Variants in TENM2 observed in about 807,000 individuals in gnomAD.
TENM2 encodes teneurin-2.
TENM2 carries 52 observed loss-of-function variants against 245.2 expected under a neutral mutation model. That is an observed-to-expected ratio of 0.21 (90% CI 0.17 to 0.27). The LOEUF (loss-of-function observed/expected upper bound fraction) is 0.27. Ranked by LOEUF, TENM2 falls within the 10% of genes least tolerant of loss-of-function variation. The pLI, the probability that TENM2 is intolerant of heterozygous loss-of-function variation, is 1.00. For missense variants in TENM2, 3,046 were observed against 3,666.8 expected, an observed-to-expected ratio of 0.83 and a Z score of 4.37; for synonymous variants, 1,363 against 1,438.9, an observed-to-expected ratio of 0.95 and a Z score of 1.19.
chr5:167,185,818 G>A, the TENM2 span, among the ~76,000 whole-genome samples: 10 of 152,008 alleles, frequency 6.6e-5, no homozygotes, highest in South Asian at 1.2e-3. Context: ...GTGTCTTTGC[G>A]GGGACAGGAG....
intron 2 of TENM2, among the ~76,000 whole-genome samples, chr5:167,609,488 C>CAAAAAAAAAAAAA (rs5873049): frequency 7.9e-4 from 29 of 36,688 alleles, no homozygotes; most frequent in East Asian, 2.4e-3. Context: ...CCTGATGATG[C>CAAAAAAAAAAAAA]AAAAAAAAAA....
chr5:168,050,956 A>G (rs1043318795), intron 6 of TENM2, among the ~76,000 whole-genome samples: 5 of 152,194 alleles, frequency 3.3e-5, no homozygotes, highest in Admixed American at 6.5e-5. Flanking sequence ...GTGTATTTCT[A>G]TGTTAAAAGG....
At chr5:167,047,952 G>GC in the TENM2 span, among the ~76,000 whole-genome samples, 1 of 92,242 alleles carries the variant, frequency 1.1e-5, no homozygotes, top group African/African-American at 8.1e-5. Flanking sequence ...AGGCCCTATA[G>GC]CAAAAACAAA....
At chr5:167,584,629 A>G (rs1400953226) in intron 2 of TENM2, among the ~76,000 whole-genome samples, 2 of 151,834 alleles carry the variant, frequency 1.3e-5, no homozygotes, top group Non-Finnish European at 2.9e-5. Flanking sequence ...GTCAGCATCA[A>G]TCGGCCTTAG....
chr5:168,211,597 A>T (rs1268849000), intron 19 of TENM2, 137 bp from the exon 22 acceptor site: 1 of 585,514 alleles, frequency 1.7e-6, no homozygotes, highest in East Asian at 3.2e-5. Flanking sequence ...AGGAGTTGTC[A>T]GTTACAGGGG....
chr5:167,840,208 G>A (rs1346929484), intron 2 of TENM2, among the ~76,000 whole-genome samples: 3 of 152,190 alleles, frequency 2.0e-5, no homozygotes, highest in South Asian at 2.1e-4. Flanking sequence ...TTTGATCTGA[G>A]GGTCTGATTA....
intron 1 of TENM2, among the ~76,000 whole-genome samples, chr5:167,356,980 G>A (rs1457184073): frequency 4.6e-5 from 7 of 152,180 alleles, no homozygotes; most frequent in Admixed American, 3.9e-4. Flanking sequence ...TTCCGTGGGT[G>A]CCTGAAAGTA....
At chr5:167,065,019 C>T in the TENM2 span, among the ~76,000 whole-genome samples, 1 of 151,938 alleles carries the variant, frequency 6.6e-6, no homozygotes. Flanking sequence ...AGAGAATTTG[C>T]GTTTTAAAGG....
At chr5:167,217,508 G>A in the TENM2 span, among the ~76,000 whole-genome samples, 1 of 151,898 alleles carries the variant, frequency 6.6e-6, no homozygotes, top group Non-Finnish European at 1.5e-5. Flanking sequence ...ATGAAGAAAG[G>A]CGTTGTGAAA....
intron 21 of TENM2, among the ~76,000 whole-genome samples, chr5:168,215,560 T>A (rs1428484547): frequency 6.6e-6 from 1 of 152,138 alleles, no homozygotes; most frequent in Non-Finnish European, 1.5e-5. Context: ...TCCCAGCTAC[T>A]CAGGAGGCTG....
At chr5:167,042,787 T>C in the TENM2 span, among the ~76,000 whole-genome samples, 1 of 152,256 alleles carries the variant, frequency 6.6e-6, no homozygotes, top group African/African-American at 2.4e-5. Flanking sequence ...TTACAACAAA[T>C]AGGATTTTTC....
intron 15 of TENM2, among the ~76,000 whole-genome samples, chr5:168,197,664 C>T (rs949739606): frequency 1.4e-5 from 2 of 147,440 alleles, no homozygotes; most frequent in African/African-American, 2.5e-5. Flanking sequence ...CATGCCACTG[C>T]GCTCCAGCCT....
At chr5:167,795,285 A>C (rs2150917889) in intron 2 of TENM2, among the ~76,000 whole-genome samples, 1 of 152,308 alleles carries the variant, frequency 6.6e-6, no homozygotes, top group South Asian at 2.1e-4. Flanking sequence ...AACACAGGTA[A>C]GAAATAGAGA....
chr5:167,185,566 A>G, the TENM2 span, among the ~76,000 whole-genome samples: 1 of 152,138 alleles, frequency 6.6e-6, no homozygotes, highest in Non-Finnish European at 1.5e-5. Context: ...AAAAGCATCT[A>G]TAACCCATCA....
At chr5:167,092,454 A>C in the TENM2 span, among the ~76,000 whole-genome samples, 1 of 152,216 alleles carries the variant, frequency 6.6e-6, no homozygotes, top group African/African-American at 2.4e-5. Flanking sequence ...TAGGTTATAG[A>C]GTCAGCGTGA....
chr5:167,962,849 G>A (rs1186146248), intron 4 of TENM2, among the ~76,000 whole-genome samples: 2 of 152,078 alleles, frequency 1.3e-5, no homozygotes, highest in Admixed American at 6.6e-5. Context: ...TGACACATGG[G>A]AATTATGGGA....
At chr5:167,175,121 A>C in the TENM2 span, among the ~76,000 whole-genome samples, 1 of 152,180 alleles carries the variant, frequency 6.6e-6, no homozygotes, top group Admixed American at 6.5e-5. Flanking sequence ...TATTGCAAAG[A>C]ATGCTGCCCT....
At chr5:167,537,118 A>G (rs530907020) in intron 2 of TENM2, among the ~76,000 whole-genome samples, 3 of 152,140 alleles carry the variant, frequency 2.0e-5, no homozygotes, top group African/African-American at 7.2e-5. Context: ...GAAATGTTTC[A>G]AAGTTTGTTG....
At chr5:167,835,299 T>C (rs959402231) in intron 2 of TENM2, among the ~76,000 whole-genome samples, 1 of 152,202 alleles carries the variant, frequency 6.6e-6, no homozygotes, top group African/African-American at 2.4e-5. Context: ...TTTGCTTCAG[T>C]CTTTCTGTTG....
Sources: allele counts gnomAD v4.1 joint callset (sites outside exome capture counted in the v4.1 genomes callset), GRCh38; gene constraint gnomAD v4.1.1; transcripts MANE v1.5; gene names NCBI Gene and HGNC (gene_info 2026-07-23, HGNC 2026-07-21).